The following ATXN7L1 variants were observed in gnomAD, a reference collection of about 807,000 sequenced individuals.
ATXN7L1 encodes the protein ataxin-7-like protein 1.
Under a neutral mutation model 70.8 loss-of-function variants are expected in ATXN7L1, and 15 were observed. That is an observed-to-expected ratio of 0.21 (90% CI 0.14 to 0.33). ATXN7L1 has a LOEUF of 0.33. Among genes scored for constraint, ATXN7L1 ranks in the 10% least tolerant of loss-of-function variants. ATXN7L1 has a pLI of 1.00. For missense variants in ATXN7L1, 975 were observed against 1,097.1 expected (o/e 0.89, Z 1.57); for synonymous variants, 440 against 445.1 (o/e 0.99, Z 0.14).
intron 3 of ATXN7L1, among the ~76,000 whole-genome samples, chr7:105,729,198 G>A (rs1266988703): frequency 6.6e-6 from 1 of 152,008 alleles, no homozygotes; most frequent in Non-Finnish European, 1.5e-5. Context: ...CTGAGGCCAG[G>A]AGGTCGAGGC....
chr7:105,615,140 C>G (rs1411920882), intron 9 of ATXN7L1, among the ~76,000 whole-genome samples: 1 of 152,152 alleles, frequency 6.6e-6, no homozygotes. Context: ...CAGTATTCTC[C>G]TCTCTCAACC....
intron 4 of ATXN7L1, among the ~76,000 whole-genome samples, chr7:105,653,847 G>C (rs879264177): frequency 2.0e-5 from 3 of 151,812 alleles, no homozygotes; most frequent in Admixed American, 6.6e-5. Context: ...TCTGTGGGCC[G>C]GGCTCTCCTG....
intron 2 of ATXN7L1, among the ~76,000 whole-genome samples, chr7:105,799,805 C>A (rs1806547230): frequency 1.3e-5 from 2 of 152,134 alleles, no homozygotes; most frequent in African/African-American, 4.8e-5. Flanking sequence ...TCAAAGCACT[C>A]CAGCCACTGG....
chr7:105,676,271 T>C (rs1315832704), intron 3 of ATXN7L1, among the ~76,000 whole-genome samples: 1 of 152,186 alleles, frequency 6.6e-6, no homozygotes, highest in African/African-American at 2.4e-5. Flanking sequence ...GGCACTGAAC[T>C]TCTCCATCAG....
At chr7:105,738,913 T>C (rs1389768477) in intron 3 of ATXN7L1, among the ~76,000 whole-genome samples, 2 of 152,134 alleles carry the variant, frequency 1.3e-5, no homozygotes, top group African/African-American at 2.4e-5. Flanking sequence ...TTAGTAAACA[T>C]TGTAGAGAAG....
At chr7:105,875,740 C>A in intron 2 of ATXN7L1, 72 bp downstream of exon 2, 2 of 1,414,244 alleles carry the variant, frequency 1.4e-6, no homozygotes, top group Non-Finnish European at 2.0e-6. Context: ...CAGAACAATT[C>A]ACATTATATT....
chr7:105,707,776 G>GA (rs1349316736), intron 3 of ATXN7L1, among the ~76,000 whole-genome samples: 2 of 152,204 alleles, frequency 1.3e-5, no homozygotes, highest in Non-Finnish European at 2.9e-5. Flanking sequence ...AAGCCCAGGA[G>GA]AAAAATCCAC....
chr7:105,823,687 A>G (rs1032719779), intron 2 of ATXN7L1, among the ~76,000 whole-genome samples: 2 of 152,210 alleles, frequency 1.3e-5, no homozygotes, highest in African/African-American at 4.8e-5. Context: ...ATGATGGTAA[A>G]GAAGTGAAAA....
chr7:105,711,742 C>T (rs939348968), intron 3 of ATXN7L1, among the ~76,000 whole-genome samples: 1 of 152,218 alleles, frequency 6.6e-6, no homozygotes, highest in Non-Finnish European at 1.5e-5. Context: ...GTGGCACTTC[C>T]AGGCGCATGG....
chr7:105,726,410 C>A, intron 3 of ATXN7L1, among the ~76,000 whole-genome samples: 1 of 152,150 alleles, frequency 6.6e-6, no homozygotes, highest in Admixed American at 6.6e-5. Context: ...ACAGAAGTTA[C>A]CTTACATGTC....
At chr7:105,686,014 C>T (rs2116176946) in intron 3 of ATXN7L1, among the ~76,000 whole-genome samples, 1 of 152,206 alleles carries the variant, frequency 6.6e-6, no homozygotes, top group South Asian at 2.1e-4. Flanking sequence ...ACACATGCCT[C>T]TGAGAAGAGA....
intron 10 of ATXN7L1, among the ~76,000 whole-genome samples, chr7:105,611,522 C>T (rs1793151793): frequency 6.6e-6 from 1 of 152,162 alleles, no homozygotes; most frequent in Non-Finnish European, 1.5e-5. Context: ...CAGGCACGTG[C>T]CACCCCACCC....
At chr7:105,683,675 AAAAC>A (rs1185570080) in intron 3 of ATXN7L1, among the ~76,000 whole-genome samples, 2 of 152,112 alleles carry the variant, frequency 1.3e-5, no homozygotes, top group East Asian at 1.9e-4. Context: ...ATTCCGTCTC[AAAAC>A]AAACAAACAA....
chr7:105,814,278 C>A (rs1289021745), intron 2 of ATXN7L1, among the ~76,000 whole-genome samples: 2 of 152,198 alleles, frequency 1.3e-5, no homozygotes, highest in African/African-American at 4.8e-5. Flanking sequence ...TATCCTCACT[C>A]CAGTGAGCTT....
chr7:105,699,972 T>C (rs1177604030), intron 3 of ATXN7L1, among the ~76,000 whole-genome samples: 1 of 152,148 alleles, frequency 6.6e-6, no homozygotes, highest in Non-Finnish European at 1.5e-5. Flanking sequence ...GAGAGTAAAC[T>C]GTTTCTCAAT....
rs1816579496 is a variant in ATXN7L1 at position 105,861,171 on chromosome 7, A to G, written c.250+14641T>C. Among the ~76,000 whole-genome samples the G allele has an allele frequency of 3.3e-5, 5 of 152,256 alleles. No individual in the cohort carries two copies. In the South Asian group the frequency reaches 1.0e-3, roughly 32 times the overall value. On this transcript the variant is annotated intron_variant, in intron 2 of 11. Coordinates refer to ENST00000419735, the MANE Select transcript of ATXN7L1 (RefSeq NM_020725.2). The stretch of plus-strand genomic sequence containing the variant: ...GGCAGGGAAAGGACTCCACTTGTCC[A>G]AAGTGCTGCTGCAAAGGGCAGGCCA...
chr7:105,759,752 A>G (rs895424624), intron 3 of ATXN7L1, among the ~76,000 whole-genome samples: 1 of 152,292 alleles, frequency 6.6e-6, no homozygotes, highest in East Asian at 1.9e-4. Context: ...ATAAATGTTT[A>G]GTGTATTTTC....
chr7:105,859,746 A>G (rs933800773), intron 2 of ATXN7L1, among the ~76,000 whole-genome samples: 2 of 151,796 alleles, frequency 1.3e-5, no homozygotes, highest in African/African-American at 4.8e-5. Flanking sequence ...CCCATCATTA[A>G]GGAATGCATG....
At chr7:105,627,330 G>T (rs1403656219) in intron 7 of ATXN7L1, among the ~76,000 whole-genome samples, 1 of 152,000 alleles carries the variant, frequency 6.6e-6, no homozygotes, top group Non-Finnish European at 1.5e-5. Flanking sequence ...AAACTCCAGG[G>T]CTCAGGGGAT....
Sources: gnomAD v4.1 joint callset for allele counts (sites outside exome capture counted in the v4.1 genomes callset) on GRCh38, gnomAD v4.1.1 for gene constraint, MANE v1.5 for transcripts, NCBI Gene and HGNC (gene_info 2026-07-23, HGNC 2026-07-21) for gene names.